The following CTNNA3 variants were observed in gnomAD, a reference collection of about 807,000 sequenced individuals.
The protein encoded by CTNNA3 is catenin alpha-3.
A neutral mutation model predicts 95.7 loss-of-function variants in CTNNA3; 76 were observed. That is an observed-to-expected ratio of 0.79 (90% CI 0.66 to 0.96). CTNNA3 has a LOEUF of 0.96. Ranked by LOEUF, CTNNA3 falls within the 40% of genes least tolerant of loss-of-function variation. The pLI is 0.00. For synonymous variants in CTNNA3, 431 were observed against 374.4 expected, an observed-to-expected ratio of 1.15 and a Z score of -1.74; for missense variants, 1,191 against 1,089.8, an observed-to-expected ratio of 1.09 and a Z score of -1.31.
chr10:67,763,147 T>C (rs796107448), intron 1 of CTNNA3, among the ~76,000 whole-genome samples: 10 of 152,236 alleles, frequency 6.6e-5, no homozygotes, highest in African/African-American at 2.4e-4. Flanking sequence ...ACAATATCTA[T>C]TGGAAAAAGT....
intron 7 of CTNNA3, among the ~76,000 whole-genome samples, chr10:67,021,960 G>A (rs1030500209): frequency 6.6e-6 from 1 of 152,126 alleles, no homozygotes; most frequent in African/African-American, 2.4e-5. Flanking sequence ...AAACTAAAAA[G>A]GTTTATTCAT....
intron 11 of CTNNA3, among the ~76,000 whole-genome samples, chr10:66,460,168 C>T (rs2093519298): frequency 6.6e-6 from 1 of 152,124 alleles, no homozygotes; most frequent in South Asian, 2.1e-4. Flanking sequence ...CTGTTTTAAT[C>T]ATGATGGCTT....
intron 7 of CTNNA3, among the ~76,000 whole-genome samples, chr10:66,808,709 C>T (rs1243008930): frequency 6.6e-6 from 1 of 152,138 alleles, no homozygotes; most frequent in Non-Finnish European, 1.5e-5. Flanking sequence ...CATTTCCACA[C>T]TGTATATGCT....
chr10:67,098,822 T>C (rs1038861290), intron 7 of CTNNA3: 4 of 151,922 alleles, frequency 2.6e-5, no homozygotes, highest in African/African-American at 7.2e-5. Flanking sequence ...AATTAACCCA[T>C]AGCGGTTTAC....
At chr10:66,600,133 TAAC>T (rs1209859950) in intron 10 of CTNNA3, among the ~76,000 whole-genome samples, 1 of 150,996 alleles carries the variant, frequency 6.6e-6, no homozygotes, top group Non-Finnish European at 1.5e-5. Flanking sequence ...TCACCTATAA[TAAC>T]AACCTAAAGA....
intron 6 of CTNNA3, among the ~76,000 whole-genome samples, chr10:67,214,118 C>T (rs1864252420): frequency 6.6e-6 from 1 of 151,716 alleles, no homozygotes; most frequent in Non-Finnish European, 1.5e-5. Context: ...TTCCTTTTTA[C>T]ATTTATTATG....
intron 7 of CTNNA3, among the ~76,000 whole-genome samples, chr10:66,974,606 C>T (rs1327551503): frequency 6.6e-6 from 1 of 152,118 alleles, no homozygotes; most frequent in Non-Finnish European, 1.5e-5. Flanking sequence ...GTGGTTATTC[C>T]ATTTCACATT....
chr10:66,184,682 A>T (rs2086237307), intron 13 of CTNNA3, among the ~76,000 whole-genome samples: 1 of 152,116 alleles, frequency 6.6e-6, no homozygotes, highest in Non-Finnish European at 1.5e-5. Context: ...TTAATCTTTT[A>T]ATTCTGTATT....
intron 9 of CTNNA3, among the ~76,000 whole-genome samples, chr10:66,670,362 G>C (rs1846615936): frequency 6.6e-6 from 1 of 152,110 alleles, no homozygotes; most frequent in Non-Finnish European, 1.5e-5. Flanking sequence ...TCCACGCCAA[G>C]GTCAGTGGCT....
At chr10:66,153,353 G>A (rs776610141) in intron 13 of CTNNA3, among the ~76,000 whole-genome samples, 1 of 151,856 alleles carries the variant, frequency 6.6e-6, no homozygotes, top group Non-Finnish European at 1.5e-5. Context: ...AGTCTGTATT[G>A]TATCCAAGTC....
chr10:66,617,154 C>A (rs1259577974), intron 10 of CTNNA3, among the ~76,000 whole-genome samples: 2 of 151,738 alleles, frequency 1.3e-5, no homozygotes, highest in Non-Finnish European at 2.9e-5. Flanking sequence ...ATAAAGGTAA[C>A]AAATTAATAT....
chr10:66,593,230 C>A (rs1843609300), intron 10 of CTNNA3, among the ~76,000 whole-genome samples: 1 of 152,088 alleles, frequency 6.6e-6, no homozygotes, highest in Admixed American at 6.5e-5. Context: ...GGTGGCAGGG[C>A]AGGGTGAGAA....
At chr10:66,774,459 T>C (rs931403578) in intron 8 of CTNNA3, among the ~76,000 whole-genome samples, 2 of 152,186 alleles carry the variant, frequency 1.3e-5, no homozygotes, top group South Asian at 2.1e-4. Flanking sequence ...ATTACAAGTG[T>C]AAATGGTAGA....
chr10:66,661,808 G>A (rs1245379981), intron 9 of CTNNA3, among the ~76,000 whole-genome samples: 1 of 152,100 alleles, frequency 6.6e-6, no homozygotes, highest in Non-Finnish European at 1.5e-5. Flanking sequence ...CAGGGTAAAT[G>A]TTCCCAGAGA....
chr10:66,691,055 T>C (rs1388073658), intron 9 of CTNNA3, among the ~76,000 whole-genome samples: 1 of 152,166 alleles, frequency 6.6e-6, no homozygotes, highest in African/African-American at 2.4e-5. Context: ...GATTTCTGCA[T>C]TTCCATCTGA....
chr10:66,639,375 A>G (rs1453227814), intron 9 of CTNNA3, among the ~76,000 whole-genome samples: 1 of 152,168 alleles, frequency 6.6e-6, no homozygotes, highest in Admixed American at 6.5e-5. Flanking sequence ...TTGCTCTGTT[A>G]GCAGGTGCTG....
chr10:66,630,313 A>AT (rs1845087434), intron 9 of CTNNA3, among the ~76,000 whole-genome samples: 1 of 152,166 alleles, frequency 6.6e-6, no homozygotes, highest in South Asian at 2.1e-4. Flanking sequence ...TTCCTTTGAA[A>AT]TTCATTTTCA....
intron 5 of CTNNA3, among the ~76,000 whole-genome samples, chr10:67,377,118 G>T: frequency 6.6e-6 from 1 of 152,114 alleles, no homozygotes; most frequent in East Asian, 1.9e-4. Flanking sequence ...CTTTAGTTTG[G>T]ATTTCTGTTT....
At chr10:66,718,849 G>T (rs957143323) in intron 9 of CTNNA3, among the ~76,000 whole-genome samples, 2 of 152,014 alleles carry the variant, frequency 1.3e-5, no homozygotes, top group South Asian at 2.1e-4. Context: ...TTTGACAATT[G>T]TTATGTCACT....
Sources: gnomAD v4.1 joint callset for allele counts (sites outside exome capture counted in the v4.1 genomes callset) on GRCh38, gnomAD v4.1.1 for gene constraint, MANE v1.5 for transcripts, NCBI Gene and HGNC (gene_info 2026-07-23, HGNC 2026-07-21) for gene names.